PEX10: variants seen among roughly 807,000 people sequenced by gnomAD.
The protein encoded by PEX10 is peroxisome biogenesis factor 10.
PEX10 carries 32 observed loss-of-function variants against 38.0 expected under a neutral mutation model. The ratio of observed to expected loss-of-function variants is 0.84; its 90% CI spans 0.63 to 1.13. PEX10 has a LOEUF of 1.13. Ranked by LOEUF, PEX10 falls within the 50% of genes most tolerant of loss-of-function variation. PEX10 has a pLI of 0.00. For missense variants in PEX10, 483 were observed against 457.7 expected (o/e 1.06, Z -0.51); for synonymous variants, 206 against 207.3 (o/e 0.99, Z 0.05).
intron 5 of PEX10, 135 bp from the exon 6 acceptor site, chr1:2,405,969 C>A: frequency 1.3e-6 from 1 of 765,894 alleles, no homozygotes; most frequent in South Asian, 1.7e-5. Flanking sequence ...CAACTAATGA[C>A]CAAGAAAGCC....
rs887880476 is a variant in PEX10, at chr1:2,408,871, G to A, written c.194-13C>T. On this transcript the variant is annotated splice_polypyrimidine_tract_variant and intron_variant, in intron 2 of 5. Transcript: ENST00000447513. ...AGGGTCTGGTAGCCTGCGAGGAAGA[G>A]GATGGGTATGTGGACCCTGAGACTG... The A allele has an allele frequency of 5.6e-6, 9 of 1,613,584 alleles. No individual in the cohort carries two copies. The Admixed American group carries it at 8.3e-5, about 15-fold the overall frequency.
chr1:2,408,095 C>T (rs1472388560), intron 3 of PEX10, among the ~76,000 whole-genome samples: 1 of 152,074 alleles, frequency 6.6e-6, no homozygotes, highest in African/African-American at 2.4e-5. Context: ...GTTTGTTCCC[C>T]ACAGCAGTGA....
chr1:2,412,010 G>A (rs751497956), intron 1 of PEX10, among the ~76,000 whole-genome samples: 2 of 152,256 alleles, frequency 1.3e-5, no homozygotes, highest in Non-Finnish European at 1.5e-5. Flanking sequence ...TGACCCCTCT[G>A]CTCACAGGGG....
intron 1 of PEX10, among the ~76,000 whole-genome samples, chr1:2,411,783 C>A (rs1643234407): frequency 6.6e-6 from 1 of 152,218 alleles, no homozygotes; most frequent in South Asian, 2.1e-4. Flanking sequence ...AGCGATCCTC[C>A]CGCCTCTGCC....
rs1316957679 is a variant in PEX10, at chr1:2,410,670, C to T, written c.113-219G>A. 2 of 615,452 alleles carry T rather than the reference C, an allele frequency of 3.2e-6. No homozygotes were observed. Among genetic ancestry groups the T allele is most frequent in the Admixed American group, 2.1e-5 (1 of 46,710 alleles). 38.1% of individuals were successfully genotyped at this position (615,452 alleles called of 1,614,324 possible). On this transcript the variant is annotated intron_variant, in intron 1 of 5. Coordinates refer to ENST00000447513, the MANE Select transcript of PEX10 (RefSeq NM_002617.4). This position sits in a 1 kb window ranked among gnomAD's most constrained non-coding sequence, Gnocchi z 5.1. The stretch of plus-strand genomic sequence containing the variant: ...AGACAGTCTGCGAAGAATCTCCCAC[C>T]TGTGCTCATCTCTTGCTCCGGGATT...
At chr1:2,412,365 G>A (rs1412176817) in intron 1 of PEX10, 26 bp downstream of exon 1, 1 of 1,355,538 alleles carries the variant, frequency 7.4e-7, no homozygotes, top group Non-Finnish European at 9.4e-7. Context: ...CGCTCGCGAG[G>A]ACGTCCGGCC....
chr1:2,406,756 T>C lies in PEX10; in HGVS notation c.740A>G (p.Lys247Arg), dbSNP rs1553231833. The C allele has an allele frequency of 6.2e-7, 1 of 1,609,670 alleles. No individual in the cohort carries two copies. The highest frequency in any genetic ancestry group is 8.5e-7 in the Non-Finnish European group (1 of 1,178,656). ...CAGGCCGCGGTGCAGCCTCCACTCCTTCCTGGCTCGCTGCCGCTGCCTGAA... is the reference window on the plus strand; with the variant it reads ...CAGGCCGCGGTGCAGCCTCCACTCCCTCCTGGCTCGCTGCCGCTGCCTGAA... ...YGFRQRQRAR[K>R]EWRLHRGLSH... Residue 247 changes from lysine (K) to arginine (R), a missense_variant, in exon 4 of 6, where the codon AAG becomes AGG. By Grantham distance (26) the Lys-to-Arg change is conservative. Transcript: ENST00000447513.
chr1:2,406,220 C>T (rs1479033455), intron 5 of PEX10, among the ~76,000 whole-genome samples: 5 of 152,160 alleles, frequency 3.3e-5, no homozygotes, highest in Admixed American at 6.5e-5. Context: ...TGCTGGGATG[C>T]GTGGTGCAAG....
At chr1:2,406,091 C>A (rs951693012) in intron 5 of PEX10, among the ~76,000 whole-genome samples, 2 of 152,164 alleles carry the variant, frequency 1.3e-5, no homozygotes, top group Admixed American at 6.5e-5. Flanking sequence ...GCAGCTGACA[C>A]AGCCCACGAA....
intron 5 of PEX10, 56 bp from the exon 6 acceptor site, chr1:2,405,890 C>T (rs747316054): frequency 1.5e-6 from 2 of 1,352,190 alleles, no homozygotes; most frequent in Non-Finnish European, 2.1e-6. Context: ...CATGCCCATC[C>T]CCATCGGCAT....
At position 2,405,139 on chromosome 1, in the gene PEX10, G is replaced by A. The variant is rs886046142; in HGVS notation, c.*627C>T. 24 of 171,888 alleles carry A rather than the reference G, an allele frequency of 1.4e-4. No homozygotes were observed. Among genetic ancestry groups the A allele is most frequent in the African/African-American group, 2.4e-5 (1 of 41,664 alleles). The allele number at this position is 171,888 out of a possible 1,614,324, so 10.6% of individuals were successfully genotyped here. On this transcript the variant is annotated 3_prime_UTR_variant, in exon 6 of 6. Coordinates refer to ENST00000447513, the MANE Select transcript of PEX10 (RefSeq NM_002617.4). The stretch of plus-strand genomic sequence containing the variant: ...CTAAAACTGGAAGCGACCTTGACGT[G>A]TATTGAAGGTGTGTGTGCCAAATGC...
In PEX10 at chr1:2,404,613, C is replaced by T. The variant is rs1030315714; in HGVS notation, c.*1153G>A. ...CCTCCTCCGTCTCTGGCAAGCTGAC[C>T]TTGACTAACCCAGGAATACAGGGTC... On this transcript the variant is annotated 3_prime_UTR_variant, in exon 6 of 6. Transcript: ENST00000447513. 4 of 152,284 alleles carry T rather than the reference C, an allele frequency of 2.6e-5. No homozygotes were observed. Among genetic ancestry groups the T allele is most frequent in the Admixed American group, 6.5e-5 (1 of 15,286 alleles). The allele number at this position is 152,284 out of a possible 1,614,324, so 9.4% of individuals were successfully genotyped here.
intron 3 of PEX10, 71 bp downstream of exon 3, chr1:2,408,381 G>T: frequency 1.3e-6 from 2 of 1,540,602 alleles, no homozygotes; most frequent in Non-Finnish European, 9.0e-7. Context: ...CCAGCTCTGT[G>T]CATGCACCCA....
At chr1:2,412,606 C>T (rs1643289376), upstream of PEX10, 2 of 939,986 alleles carry the variant, frequency 2.1e-6, no homozygotes, top group Admixed American at 4.5e-5. Context: ...CGGCGCAGAC[C>T]TCTGCGTCAA....
rs549271413 is a variant in PEX10 at position 2,408,526 on chromosome 1, G to A, written c.526C>T (p.Arg176Trp). ...ATGTAAAACCAGGCAACATGTAGCCGCTGGAGGCAGGCGAGGCCCTGTCTG... is the reference window on the plus strand; with the variant it reads ...ATGTAAAACCAGGCAACATGTAGCCACTGGAGGCAGGCGAGGCCCTGTCTG... ...VLRQGLACLQ[R>W]LHVAWFYIHG... Residue 176 changes from arginine to tryptophan, a missense_variant, in exon 3 of 6, where the codon CGG becomes TGG. Arg to Trp is a moderately radical substitution (Grantham distance 101, BLOSUM62 -3). Transcript: ENST00000447513. The A allele has an allele frequency of 1.2e-5, 19 of 1,612,678 alleles. No homozygotes were observed. Among genetic ancestry groups the A allele is most frequent in the African/African-American group, 5.3e-5 (4 of 74,938 alleles).
chr1:2,404,920 A>G lies in PEX10; in HGVS notation c.*846T>C, dbSNP rs757934099. The G allele has an allele frequency of 6.5e-6, 1 of 152,872 alleles. No homozygotes were observed. The highest frequency in any genetic ancestry group is 1.5e-5 in the Non-Finnish European group (1 of 68,236). 9.5% of individuals were successfully genotyped at this position (152,872 alleles called of 1,614,324 possible). A position where few individuals can be genotyped will look rare whatever the true frequency, so the allele number is the denominator to read the frequency against. On this transcript the variant is annotated 3_prime_UTR_variant, in exon 6 of 6. Transcript: ENST00000447513. ...GAAACATCAAATGGAGGCGGGAAAT[A>G]GGCTGGGGCCGAGCTGAGGGGCTGA...
chr1:2,405,551 G>A lies in PEX10; in HGVS notation c.*215C>T. 1 of 671,424 alleles carries A rather than the reference G, an allele frequency of 1.5e-6. No homozygotes were observed. The highest frequency in any genetic ancestry group is 1.6e-5 in the South Asian group (1 of 64,090). 41.6% of individuals were successfully genotyped at this position (671,424 alleles called of 1,614,324 possible). A position where few individuals can be genotyped will look rare whatever the true frequency, so the allele number is the denominator to read the frequency against. On this transcript the variant is annotated 3_prime_UTR_variant, in exon 6 of 6. Coordinates refer to ENST00000447513, the MANE Select transcript of PEX10 (RefSeq NM_002617.4). ...TGAGTCCTACCAGGTTGGGGTTAGG[G>A]AAATGTTCTGGGTTCAGGCGCCCCT...
chr1:2,407,240 G>C (rs550149577), intron 3 of PEX10, among the ~76,000 whole-genome samples: 1 of 152,234 alleles, frequency 6.6e-6, no homozygotes, highest in African/African-American at 2.4e-5. Flanking sequence ...ATGTGGGGCT[G>C]CAGACGCTGC....
chr1:2,405,274 C>T lies in PEX10; in HGVS notation c.*492G>A, dbSNP rs1206851270. ...CCTCGGGGAGAGCAGCGCCGCCTCC[C>T]ATGGGGCCGTGGGGCTGCTGTTCTC... On this transcript the variant is annotated 3_prime_UTR_variant, in exon 6 of 6. Coordinates refer to ENST00000447513, the MANE Select transcript of PEX10 (RefSeq NM_002617.4). 3.5e-6 allele frequency: 1 copy of T among 289,506 alleles called. No homozygotes were observed. The highest frequency in any genetic ancestry group is 2.2e-5 in the African/African-American group (1 of 45,016). The allele number at this position is 289,506 out of a possible 1,614,324, so 17.9% of individuals were successfully genotyped here. A position where few individuals can be genotyped will look rare whatever the true frequency, so the allele number is the denominator to read the frequency against.
Sources: gnomAD v4.1 joint callset for allele counts (sites outside exome capture counted in the v4.1 genomes callset) on GRCh38, gnomAD v4.1.1 for gene constraint, Gnocchi (gnomAD v3.1) non-coding constraint, MANE v1.5 for transcripts, NCBI Gene and HGNC (gene_info 2026-07-23, HGNC 2026-07-21) for gene names.